SNX24: variants seen among roughly 807,000 people sequenced by gnomAD.
SNX24 encodes sorting nexin-24.
A neutral mutation model predicts 28.7 loss-of-function variants in SNX24; 22 were observed. That is an observed-to-expected ratio of 0.77 (90% CI 0.55 to 1.10). The LOEUF is 1.10. Among genes scored for constraint, SNX24 ranks in the 50% least tolerant of loss-of-function variants. The pLI is 0.00. For missense variants in SNX24, 221 were observed against 201.1 expected (o/e 1.10, Z -0.60); for synonymous variants, 69 against 71.5 (o/e 0.96, Z 0.18).
intron 2 of SNX24, among the ~76,000 whole-genome samples, chr5:122,941,668 C>A (rs1443571628): frequency 6.6e-6 from 1 of 152,168 alleles, no homozygotes; most frequent in African/African-American, 2.4e-5. Context: ...TCCTGTCTTT[C>A]ATATCTTTCA....
intron 1 of SNX24, among the ~76,000 whole-genome samples, chr5:122,930,824 T>A (rs1209363255): frequency 6.6e-6 from 1 of 152,212 alleles, no homozygotes; most frequent in Admixed American, 6.5e-5. Context: ...CACGTCCAAC[T>A]CTTACATAGG....
chr5:122,903,587 C>T (rs1379627328), intron 1 of SNX24, among the ~76,000 whole-genome samples: 1 of 152,132 alleles, frequency 6.6e-6, no homozygotes, highest in Non-Finnish European at 1.5e-5. Flanking sequence ...GCACACTGCT[C>T]AGCTCATCTT....
chr5:122,925,363 T>C (rs528294061), intron 1 of SNX24, among the ~76,000 whole-genome samples: 1 of 149,684 alleles, frequency 6.7e-6, no homozygotes, highest in African/African-American at 2.5e-5. Context: ...GGGCTCTAGC[T>C]CCCTGGGCTC....
At chr5:122,948,845 T>A (rs192842240) in intron 3 of SNX24, among the ~76,000 whole-genome samples, 45 of 152,304 alleles carry the variant, frequency 3.0e-4, no homozygotes, top group Middle Eastern at 3.4e-3. Context: ...TTTTTCTAAG[T>A]CAGGAGAAAT....
chr5:122,988,990 T>A (rs1386889204), intron 3 of SNX24, among the ~76,000 whole-genome samples: 1 of 152,212 alleles, frequency 6.6e-6, no homozygotes, highest in Non-Finnish European at 1.5e-5. Context: ...CTAAGTGTTC[T>A]ACCCAGTACT....
At chr5:122,885,885 G>A (rs546711913) in intron 1 of SNX24, among the ~76,000 whole-genome samples, 77 of 152,240 alleles carry the variant, frequency 5.1e-4, no homozygotes, top group Non-Finnish European at 9.6e-4. Context: ...TCAGGCATTA[G>A]TTAGATTCTC....
At chr5:122,879,613 C>G (rs1223367179) in intron 1 of SNX24, among the ~76,000 whole-genome samples, 1 of 152,166 alleles carries the variant, frequency 6.6e-6, no homozygotes, top group African/African-American at 2.4e-5. Context: ...TACTTAACCT[C>G]TCTGTGCCTC....
chr5:122,913,450 CACCTCCCTTCCGGACGG>C (rs1212313734), intron 1 of SNX24, among the ~76,000 whole-genome samples: 8 of 151,838 alleles, frequency 5.3e-5, no homozygotes, highest in Non-Finnish European at 8.8e-5. Flanking sequence ...GGCTGACCCC[CACCTCCCTTCCGGACGG>C]GGTGGCTGCC....
chr5:122,967,758 A>ATC (rs1760774131), intron 3 of SNX24, among the ~76,000 whole-genome samples: 1 of 152,180 alleles, frequency 6.6e-6, no homozygotes, highest in African/African-American at 2.4e-5. Flanking sequence ...GAGTTATATT[A>ATC]TCTGCATTCA....
chr5:122,894,038 GAA>G (rs375432717), intron 1 of SNX24, among the ~76,000 whole-genome samples: 6 of 132,182 alleles, frequency 4.5e-5, no homozygotes, highest in Admixed American at 7.6e-5. Context: ...ACTCCAAATC[GAA>G]AAAAAAAAAA....
At chr5:123,022,902 C>T (rs1325477918) in intron 5 of SNX24, 1 of 152,350 alleles carries the variant, frequency 6.6e-6, no homozygotes, top group East Asian at 1.9e-4. Flanking sequence ...CTCCTGGACT[C>T]AAGCAATCCT....
chr5:122,916,049 C>A (rs1378736828), intron 1 of SNX24, among the ~76,000 whole-genome samples: 2 of 152,204 alleles, frequency 1.3e-5, no homozygotes, highest in Non-Finnish European at 2.9e-5. Context: ...ACTGTATTCC[C>A]ATCCTGTAGC....
At chr5:122,891,229 T>A in intron 1 of SNX24, 2 of 1,139,856 alleles carry the variant, frequency 1.8e-6, no homozygotes, top group Non-Finnish European at 2.3e-6. Context: ...ATGTTGACTT[T>A]AAAGTGCCTA....
At chr5:122,956,363 T>A (rs40562) in intron 3 of SNX24, among the ~76,000 whole-genome samples, 837 of 42,870 alleles carry the variant, frequency 0.02, 10 homozygotes, top group East Asian at 0.15. Flanking sequence ...AAAAAAAAAA[T>A]ATATACACAC....
At chr5:122,886,996 T>G (rs886841675) in intron 1 of SNX24, among the ~76,000 whole-genome samples, 2 of 152,206 alleles carry the variant, frequency 1.3e-5, no homozygotes, top group African/African-American at 4.8e-5. Context: ...AACAAATAAT[T>G]TATTCATATC....
chr5:122,991,282 T>C (rs1191172490), intron 3 of SNX24, among the ~76,000 whole-genome samples: 2 of 152,170 alleles, frequency 1.3e-5, no homozygotes, highest in Non-Finnish European at 2.9e-5. Context: ...CTATTATGTG[T>C]AATTGAAGTG....
intron 3 of SNX24, among the ~76,000 whole-genome samples, chr5:122,986,899 T>C (rs1761628073): frequency 6.6e-6 from 1 of 151,580 alleles, no homozygotes; most frequent in South Asian, 2.1e-4. Flanking sequence ...ATGGGACTAG[T>C]GAATAACTAG....
At chr5:122,994,039 AGTGT>A (rs773645448) in intron 3 of SNX24, among the ~76,000 whole-genome samples, 3 of 151,712 alleles carry the variant, frequency 2.0e-5, no homozygotes, top group African/African-American at 4.8e-5. Flanking sequence ...AATGGAAAGA[AGTGT>A]GTGTGTGTGT....
chr5:122,888,683 C>T (rs902112514), intron 1 of SNX24, among the ~76,000 whole-genome samples: 1 of 152,136 alleles, frequency 6.6e-6, no homozygotes, highest in Non-Finnish European at 1.5e-5. Flanking sequence ...TAAGCCACAA[C>T]TCTAAGTGGC....
Sources: gnomAD v4.1 joint callset for allele counts (sites outside exome capture counted in the v4.1 genomes callset) on GRCh38, gnomAD v4.1.1 for gene constraint, MANE v1.5 for transcripts, NCBI Gene and HGNC (gene_info 2026-07-23, HGNC 2026-07-21) for gene names.